ADAMTS7: variants seen among roughly 807,000 people sequenced by gnomAD.
The protein encoded by ADAMTS7 is ADAM metallopeptidase with thrombospondin type 1 motif 7.
ADAMTS7 carries 89 observed loss-of-function variants against 172.6 expected under a neutral mutation model. The ratio of observed to expected loss-of-function variants is 0.52; its 90% confidence interval spans 0.43 to 0.61. ADAMTS7 has a LOEUF of 0.61. Ranked by LOEUF, ADAMTS7 falls within the 20% of genes least tolerant of loss-of-function variation. ADAMTS7 has a pLI of 0.00. For synonymous variants in ADAMTS7, 885 were observed against 978.4 expected (o/e 0.90, Z 1.78); for missense variants, 1,973 against 2,355.6 (o/e 0.84, Z 3.36).
At chr15:78,768,765 A>G (rs1427442026) in intron 16 of ADAMTS7, among the ~76,000 whole-genome samples, 1 of 152,218 alleles carries the variant, frequency 6.6e-6, no homozygotes. Flanking sequence ...CCTCAGGGAA[A>G]CTGAGAGTGA....
intron 8 of ADAMTS7, among the ~76,000 whole-genome samples, chr15:78,780,012 T>C (rs2055407462): frequency 6.8e-6 from 1 of 146,362 alleles, no homozygotes; most frequent in South Asian, 2.3e-4. Flanking sequence ...CAAGTTCTAC[T>C]CTTTGCCTGG....
chr15:78,788,411 G>A (rs374187399), intron 7 of ADAMTS7, 37 bp from the exon 8 acceptor site: 56 of 1,605,246 alleles, frequency 3.5e-5, no homozygotes, highest in Middle Eastern at 4.5e-4. Flanking sequence ...CGGGTGAGCC[G>A]GCGGGAGGCT....
In ADAMTS7 at chr15:78,763,922, T is replaced by C; in HGVS notation, c.4593+4A>G. The C allele has an allele frequency of 6.4e-7, 1 of 1,550,454 alleles. No individual in the cohort carries two copies. The highest frequency in any genetic ancestry group is 2.3e-5 in the East Asian group (1 of 43,104). On this transcript the variant is annotated splice_donor_region_variant and intron_variant, in intron 21 of 23. Coordinates refer to ENST00000388820, the MANE Select transcript of ADAMTS7 (RefSeq NM_014272.5). The stretch of plus-strand genomic sequence containing the variant: ...CTCCCCCCAACTCAACGGCCAGGCC[T>C]CACCTCCCTCCAGGAAGATGTGTAC...
chr15:78,807,822 AAAAC>A (rs971666869), intron 1 of ADAMTS7, among the ~76,000 whole-genome samples: 1 of 152,194 alleles, frequency 6.6e-6, no homozygotes, highest in Admixed American at 6.5e-5. Context: ...TAATGGCTTA[AAAAC>A]AAACAAAACA....
At chr15:78,796,960 G>A (rs1190434837) in intron 3 of ADAMTS7, among the ~76,000 whole-genome samples, 174 bp from the exon 4 acceptor site, 1 of 152,228 alleles carries the variant, frequency 6.6e-6, no homozygotes, top group Admixed American at 6.5e-5. Context: ...GTGTGGCTCT[G>A]CCTGGTCACT....
chr15:78,808,512 A>G (rs2055824629), intron 1 of ADAMTS7, among the ~76,000 whole-genome samples: 1 of 152,214 alleles, frequency 6.6e-6, no homozygotes, highest in African/African-American at 2.4e-5. Context: ...CTGGGATTAC[A>G]AGCATGAGCC....
intron 4 of ADAMTS7, among the ~76,000 whole-genome samples, chr15:78,795,444 T>A (rs2055630882): frequency 6.6e-6 from 1 of 152,174 alleles, no homozygotes. Context: ...AGTGGGGACG[T>A]GGTGGCCAGC....
intron 19 of ADAMTS7, 140 bp downstream of exon 19, chr15:78,765,505 A>C: frequency 7.2e-7 from 1 of 1,390,486 alleles, no homozygotes; most frequent in Non-Finnish European, 9.8e-7. Flanking sequence ...GGGTCCCCTC[A>C]TCCCCCTAAT....
chr15:78,763,548 T>G (rs1596170352), intron 22 of ADAMTS7, 151 bp downstream of exon 22: 1 of 1,082,178 alleles, frequency 9.2e-7, no homozygotes. Context: ...CCCTGGCAGG[T>G]GTGAGCACCA....
chr15:78,776,906 C>T, intron 9 of ADAMTS7, 65 bp from the exon 10 acceptor site: 1 of 1,359,010 alleles, frequency 7.4e-7, no homozygotes, highest in Non-Finnish European at 1.0e-6. Context: ...CACCCTGCCC[C>T]CCTCCCTGTC....
rs767203969 is a variant in ADAMTS7 at position 78,766,530 on chromosome 15, A to G, written c.3381T>C (p.Pro1127=). Reference sequence around the variant, plus strand: ...GGCTAGGCCAAGGGCTCGGGGACCAAGGTCCCAGTACCCCCTCCTCCTTGG... The same window carrying G: ...GGCTAGGCCAAGGGCTCGGGGACCAGGGTCCCAGTACCCCCTCCTCCTTGG... ...PAAKEEGVLG[P]WSPSPWPSQA... The change falls in exon 19 of 24, where the codon CCT becomes CCC. Residue 1127 remains proline (P), a synonymous_variant. Coordinates refer to ENST00000388820, the MANE Select transcript of ADAMTS7 (RefSeq NM_014272.5). 6 of 1,591,054 alleles carry G rather than the reference A, an allele frequency of 3.8e-6. No individual in the cohort carries two copies. The East Asian group carries it at 1.3e-4, about 36-fold the overall frequency.
At chr15:78,770,241 T>C (rs2055225134) in intron 16 of ADAMTS7, among the ~76,000 whole-genome samples, 1 of 151,552 alleles carries the variant, frequency 6.6e-6, no homozygotes. Context: ...TTAGATAAAA[T>C]GGGTTTCCTA....
intron 4 of ADAMTS7, among the ~76,000 whole-genome samples, chr15:78,793,029 A>G (rs1287611697): frequency 1.3e-5 from 2 of 152,200 alleles, no homozygotes; most frequent in Non-Finnish European, 2.9e-5. Context: ...TGTGGGTCAG[A>G]TACTGCAGCA....
At chr15:78,774,960 C>T (rs2055318085) in intron 11 of ADAMTS7, among the ~76,000 whole-genome samples, 167 bp from the exon 12 acceptor site, 1 of 152,208 alleles carries the variant, frequency 6.6e-6, no homozygotes, top group Non-Finnish European at 1.5e-5. Context: ...CTGGCCCAGA[C>T]ACACTCTCCC....
chr15:78,776,590 A>G (rs543514056), intron 10 of ADAMTS7, 159 bp downstream of exon 10: 48 of 876,294 alleles, frequency 5.5e-5, no homozygotes, highest in African/African-American at 4.7e-4. Flanking sequence ...CCTGGCCCCA[A>G]TGCCTCCACT....
At position 78,777,501 on chromosome 15, in the gene ADAMTS7, T is replaced by C. The variant is rs116806122; in HGVS notation, c.1410A>G (p.Val470=). ...PSVPPGVLYD[V]SHQCRLQYGA... is the part of the protein sequence containing the mutation. ...CGTACTGGAGGCGGCACTGGTGGCT[T>C]ACATCATAGAGGACGCCAGGTGGCA... Residue 470 remains valine (V), a synonymous_variant, in exon 9 of 24, where the codon GTA becomes GTG. Coordinates refer to ENST00000388820, the MANE Select transcript of ADAMTS7 (RefSeq NM_014272.5). The C allele has an allele frequency of 1.8e-3, 2,935 of 1,612,598 alleles. 13 individuals carry two copies. The highest frequency in any genetic ancestry group is 0.015 in the African/African-American group (1,125 of 75,018).
intron 5 of ADAMTS7, 63 bp downstream of exon 5, chr15:78,791,077 C>A (rs1033980530): frequency 1.9e-6 from 3 of 1,546,956 alleles, no homozygotes; most frequent in African/African-American, 2.7e-5. Context: ...ACAGGTCATG[C>A]GGCAGGAGGG....
At chr15:78,786,080 C>A (rs1272958155) in intron 8 of ADAMTS7, among the ~76,000 whole-genome samples, 1 of 150,984 alleles carries the variant, frequency 6.6e-6, no homozygotes, top group Admixed American at 6.7e-5. Flanking sequence ...CAGGCACACG[C>A]CACCACACCT....
chr15:78,800,516 G>A lies in ADAMTS7; in HGVS notation c.132C>T (p.Asp44=). The part of the protein sequence containing the change: ...GRATEGRAAL[D]IVHPVRVDAG... ...CGTCGACTCGAACCGGGTGCACGAT[G>A]TCCAGTGCCGCCCGGCCCTCGGTTG... Residue 44 remains aspartate (D), a synonymous_variant, in exon 2 of 24, where the codon GAC becomes GAT. Transcript: ENST00000388820. 1 of 1,605,112 alleles carries A rather than the reference G, an allele frequency of 6.2e-7. No individual in the cohort carries two copies. Among genetic ancestry groups the A allele is most frequent in the Non-Finnish European group, 8.5e-7 (1 of 1,176,490 alleles).
Sources: allele counts gnomAD v4.1 joint callset (sites outside exome capture counted in the v4.1 genomes callset), GRCh38; gene constraint gnomAD v4.1.1; transcripts MANE v1.5; gene names NCBI Gene and HGNC (gene_info 2026-07-23, HGNC 2026-07-21).